PHTF2: variants seen among roughly 807,000 people sequenced by gnomAD.
PHTF2 encodes the protein putative homeodomain transcription factor 2.
In PHTF2, 60 loss-of-function variants were observed where a neutral mutation model predicts 101.2. That is an observed-to-expected ratio of 0.59 (90% CI 0.48 to 0.73). PHTF2 has a LOEUF of 0.73. Among genes scored for constraint, PHTF2 ranks in the 30% least tolerant of loss-of-function variants. PHTF2 has a pLI of 0.00. For synonymous variants in PHTF2, 311 were observed against 307.3 expected, an observed-to-expected ratio of 1.01 and a Z score of -0.13; for missense variants, 747 against 908.7, an observed-to-expected ratio of 0.82 and a Z score of 2.29.
intron 11 of PHTF2, chr7:77,924,036 C>T (rs1428073366): frequency 4.3e-6 from 4 of 931,808 alleles, no homozygotes; most frequent in East Asian, 1.2e-4. Context: ...TAAAATTCTT[C>T]GTCTATAAAG....
intron 18 of PHTF2, among the ~76,000 whole-genome samples, 195 bp downstream of exon 17, chr7:77,951,907 T>G (rs575190804): frequency 6.6e-6 from 1 of 152,130 alleles, no homozygotes; most frequent in Non-Finnish European, 1.5e-5. Context: ...CCAAATAATT[T>G]CTTTGGAAAT....
At chr7:77,931,984 C>T (rs1285506055) in intron 12 of PHTF2, among the ~76,000 whole-genome samples, 3 of 152,120 alleles carry the variant, frequency 2.0e-5, no homozygotes, top group Admixed American at 1.3e-4. Context: ...CCTGTAATCC[C>T]AGCTACTCTG....
At chr7:77,890,204 G>A (rs1800263623) in intron 3 of PHTF2, among the ~76,000 whole-genome samples, 1 of 152,006 alleles carries the variant, frequency 6.6e-6, no homozygotes, top group Non-Finnish European at 1.5e-5. Context: ...AGTGAAATAT[G>A]TCAGCTTTCA....
chr7:77,803,153 G>A (rs117203221), intron 1 of PHTF2, among the ~76,000 whole-genome samples: 1 of 152,098 alleles, frequency 6.6e-6, no homozygotes, highest in Non-Finnish European at 1.5e-5. Flanking sequence ...TTTATTCTGG[G>A]TACTGAACAG....
At chr7:77,890,904 C>CTTGT in intron 3 of PHTF2, among the ~76,000 whole-genome samples, 1 of 92,960 alleles carries the variant, frequency 1.1e-5, no homozygotes, top group African/African-American at 4.9e-5. Flanking sequence ...CGCACCCGGC[C>CTTGT]TTTTTTTTTT....
chr7:77,908,725 A>G, intron 7 of PHTF2, 68 bp from the exon 7 acceptor site: 1 of 1,023,842 alleles, frequency 9.8e-7, no homozygotes, highest in Non-Finnish European at 1.4e-6. Flanking sequence ...TGTAAAAACA[A>G]TTTTAAAAGT....
chr7:77,894,188 CT>C (rs1460136188), intron 5 of PHTF2, among the ~76,000 whole-genome samples, 195 bp downstream of exon 4: 1 of 152,128 alleles, frequency 6.6e-6, no homozygotes, highest in African/African-American at 2.4e-5. Flanking sequence ...CATTTTCTTC[CT>C]GAACATGTAA....
chr7:77,801,299 A>T (rs1359692373), intron 1 of PHTF2, among the ~76,000 whole-genome samples: 1 of 152,238 alleles, frequency 6.6e-6, no homozygotes, highest in Non-Finnish European at 1.5e-5. Flanking sequence ...GACAGGTTAC[A>T]GTCAAGCTGG....
At chr7:77,904,834 T>C (rs1470818096) in intron 7 of PHTF2, among the ~76,000 whole-genome samples, 4 of 152,216 alleles carry the variant, frequency 2.6e-5, no homozygotes, top group African/African-American at 9.6e-5. Context: ...GAGCACAGTT[T>C]AGTTCATAAC....
intron 9 of PHTF2, among the ~76,000 whole-genome samples, chr7:77,910,783 AG>A (rs1284508210): frequency 6.6e-6 from 1 of 152,082 alleles, no homozygotes; most frequent in Non-Finnish European, 1.5e-5. Flanking sequence ...CTGGGCTTAC[AG>A]GCACGTGCCA....
intron 18 of PHTF2, 147 bp downstream of exon 17, chr7:77,951,859 T>C (rs1481791208): frequency 1.1e-5 from 6 of 536,142 alleles, no homozygotes; most frequent in Non-Finnish European, 2.0e-5. Context: ...ACATACAATT[T>C]ATATTTTACT....
At chr7:77,915,706 T>C (rs1021491873) in intron 9 of PHTF2, among the ~76,000 whole-genome samples, 6 of 152,198 alleles carry the variant, frequency 3.9e-5, no homozygotes, top group Non-Finnish European at 1.5e-5. Context: ...AGAGTTCTTT[T>C]CAACCGCTCC....
chr7:77,853,782 T>G (rs1796956438), intron 2 of PHTF2, among the ~76,000 whole-genome samples: 2 of 152,176 alleles, frequency 1.3e-5, no homozygotes, highest in Non-Finnish European at 2.9e-5. Context: ...TTGATTAACA[T>G]TTTAAAATTA....
rs185652773 is a variant in PHTF2, at chr7:77,860,201, T to A, written c.147+5367T>A. On this transcript the variant is annotated intron_variant, in intron 3 of 19. Coordinates refer to ENST00000416283, the Ensembl canonical transcript of PHTF2. Reference sequence around the variant, plus strand: ...GAATATAAAAGTTTACATTTAGATGTGTATAAAATATTAATCTGTTGTTTT... The same window carrying A: ...GAATATAAAAGTTTACATTTAGATGAGTATAAAATATTAATCTGTTGTTTT... 1.5e-3 allele frequency among the ~76,000 whole-genome samples: 231 copies of A among 152,364 alleles called. 1 individual carries two copies. Among genetic ancestry groups the A allele is most frequent in the African/African-American group, 5.2e-3 (216 of 41,592 alleles).
At position 77,844,868 on chromosome 7, in the gene PHTF2, G is replaced by T. The variant is rs557866352; in HGVS notation, c.45+4568G>T. Among the ~76,000 whole-genome samples, 192 of 152,278 alleles carry T rather than the reference G, an allele frequency of 1.3e-3. 1 individual carries two copies. Among genetic ancestry groups the T allele is most frequent in the African/African-American group, 4.3e-3 (179 of 41,570 alleles). ...CATGGTTTATTTTGACATTTTAAAAGTCCTTTAATATCCAATTTTAAACTT... is the reference window on the plus strand; with the variant it reads ...CATGGTTTATTTTGACATTTTAAAATTCCTTTAATATCCAATTTTAAACTT... On this transcript the variant is annotated intron_variant, in intron 2 of 19. Transcript: ENST00000416283.
chr7:77,799,480 T>C (rs890264936), intron 1 of PHTF2, among the ~76,000 whole-genome samples: 11 of 152,198 alleles, frequency 7.2e-5, no homozygotes, highest in Non-Finnish European at 1.2e-4. Flanking sequence ...GGAGGGTCGC[T>C]GCCCTGCCCC....
intron 9 of PHTF2, among the ~76,000 whole-genome samples, chr7:77,918,682 C>T (rs920548679): frequency 6.6e-6 from 1 of 152,154 alleles, no homozygotes; most frequent in Admixed American, 6.5e-5. Flanking sequence ...AACAAGTTTC[C>T]TCTGCGTCTT....
chr7:77,904,514 A>G (rs1165374332), intron 7 of PHTF2, among the ~76,000 whole-genome samples: 2 of 152,140 alleles, frequency 1.3e-5, no homozygotes, highest in African/African-American at 4.8e-5. Context: ...TTTTTTCACC[A>G]TTCTGAGGGG....
chr7:77,922,351 T>G (rs574872269), intron 10 of PHTF2, among the ~76,000 whole-genome samples: 47 of 152,172 alleles, frequency 3.1e-4, no homozygotes, highest in Non-Finnish European at 6.6e-4. Flanking sequence ...GGATGCTGTT[T>G]CAAATCCTTT....
Sources: gnomAD v4.1 joint callset for allele counts (sites outside exome capture counted in the v4.1 genomes callset) on GRCh38, gnomAD v4.1.1 for gene constraint, MANE v1.5 for transcripts, NCBI Gene and HGNC (gene_info 2026-07-23, HGNC 2026-07-21) for gene names.